Variants in HS6ST1 observed in about 807,000 individuals in gnomAD.
HS6ST1 encodes the protein heparan sulfate 6-O-sulfotransferase 1.
In HS6ST1, 3 loss-of-function variants were observed where a neutral mutation model predicts 25.2. The observed-to-expected ratio is 0.12, with a 90% CI of 0.05 to 0.31. HS6ST1 has a LOEUF of 0.31. Among genes scored for constraint, HS6ST1 ranks in the 10% least tolerant of loss-of-function variants. The pLI is 1.00. For synonymous variants in HS6ST1, 204 were observed against 275.1 expected (o/e 0.74, Z 2.56); for missense variants, 310 against 609.6 (o/e 0.51, Z 5.18).
chr2:128,315,703 T>C (rs1289834966), intron 1 of HS6ST1, among the ~76,000 whole-genome samples: 2 of 152,122 alleles, frequency 1.3e-5, no homozygotes, highest in Non-Finnish European at 2.9e-5. Context: ...CAGAGCAGCT[T>C]AGCCCAGCTC....
At position 128,316,860 on chromosome 2, in the gene HS6ST1, G is replaced by C. The variant is rs531861480; in HGVS notation, c.527+1177C>G. On this transcript the variant is annotated intron_variant, in intron 1 of 1. Transcript: ENST00000259241. ...GGAGCAGTGTCTCGGACTCTGCTCA[G>C]CTCCAGGCTGGCTGGACCTTCCAGG... Among the ~76,000 whole-genome samples, 4 of 152,272 alleles carry C rather than the reference G, an allele frequency of 2.6e-5. No homozygotes were observed. In the East Asian group the frequency reaches 5.8e-4, roughly 22 times the overall value.
At chr2:128,303,174 T>G (rs1694158359) in intron 1 of HS6ST1, among the ~76,000 whole-genome samples, 1 of 152,156 alleles carries the variant, frequency 6.6e-6, no homozygotes, top group African/African-American at 2.4e-5. Context: ...ACACCTCCAC[T>G]CTCGACGTTC....
intron 1 of HS6ST1, among the ~76,000 whole-genome samples, chr2:128,309,885 G>A (rs778178959): frequency 1.3e-5 from 2 of 152,212 alleles, no homozygotes; most frequent in African/African-American, 2.4e-5. Flanking sequence ...AAGGGGTTAT[G>A]AGTGGCCATG....
chr2:128,297,463 T>C (rs1694056960), intron 1 of HS6ST1, among the ~76,000 whole-genome samples: 1 of 152,144 alleles, frequency 6.6e-6, no homozygotes, highest in Non-Finnish European at 1.5e-5. Flanking sequence ...GATTTGGCAA[T>C]GATCTCTTGA....
intron 1 of HS6ST1, among the ~76,000 whole-genome samples, chr2:128,270,332 G>T (rs1220029358): frequency 1.3e-5 from 2 of 152,162 alleles, no homozygotes; most frequent in African/African-American, 4.8e-5. Flanking sequence ...ATAAGCTGTG[G>T]GCAGCAGGGG....
chr2:128,306,702 TG>T (rs1198004154), intron 1 of HS6ST1, among the ~76,000 whole-genome samples: 1 of 150,640 alleles, frequency 6.6e-6, no homozygotes, highest in Non-Finnish European at 1.5e-5. Flanking sequence ...TGGGGTCACA[TG>T]GGGTGGGGGC....
chr2:128,317,704 G>A (rs1233855490), intron 1 of HS6ST1, among the ~76,000 whole-genome samples: 1 of 152,260 alleles, frequency 6.6e-6, no homozygotes, highest in Non-Finnish European at 1.5e-5. Flanking sequence ...CGGCGGGCCA[G>A]ACCTCACGGC....
intron 1 of HS6ST1, among the ~76,000 whole-genome samples, chr2:128,294,014 G>A (rs1360791199): frequency 2.6e-5 from 4 of 152,180 alleles, no homozygotes; most frequent in Non-Finnish European, 5.9e-5. Context: ...TGTGGGTCCC[G>A]AAGCCAGTAG....
intron 1 of HS6ST1, among the ~76,000 whole-genome samples, chr2:128,313,930 T>A (rs1206664236): frequency 1.0e-4 from 15 of 149,516 alleles, no homozygotes; most frequent in Admixed American, 8.6e-4. Context: ...TGCCTTATCA[T>A]GTGTTTGCTT....
chr2:128,313,425 G>T (rs1694319476), intron 1 of HS6ST1, among the ~76,000 whole-genome samples: 1 of 152,148 alleles, frequency 6.6e-6, no homozygotes, highest in Non-Finnish European at 1.5e-5. Flanking sequence ...CAACATTTAT[G>T]GTGAAATTTA....
chr2:128,269,053 C>T (rs528494104), intron 1 of HS6ST1, among the ~76,000 whole-genome samples, 183 bp from the exon 2 acceptor site: 3 of 152,346 alleles, frequency 2.0e-5, no homozygotes, highest in East Asian at 1.9e-4. Flanking sequence ...GAGCATGCCA[C>T]GGTCACATGG....
At chr2:128,316,955 C>T (rs1694373691) in intron 1 of HS6ST1, among the ~76,000 whole-genome samples, 1 of 152,178 alleles carries the variant, frequency 6.6e-6, no homozygotes, top group African/African-American at 2.4e-5. Context: ...CTACAACCGC[C>T]CAGCCTCCTA....
chr2:128,271,436 A>G (rs1363058143), intron 1 of HS6ST1, among the ~76,000 whole-genome samples: 2 of 152,124 alleles, frequency 1.3e-5, no homozygotes, highest in Admixed American at 1.3e-4. Context: ...GGTCCGGGTC[A>G]CCTGCCTGGC....
intron 1 of HS6ST1, among the ~76,000 whole-genome samples, chr2:128,279,688 G>A (rs999199185): frequency 6.6e-6 from 1 of 152,146 alleles, no homozygotes; most frequent in Non-Finnish European, 1.5e-5. Flanking sequence ...CTACCTGGAG[G>A]CTGAGGTGGG....
intron 1 of HS6ST1, among the ~76,000 whole-genome samples, chr2:128,306,525 A>G (rs1338335119): frequency 2.0e-5 from 3 of 152,346 alleles, no homozygotes; most frequent in African/African-American, 7.2e-5. Context: ...TAAAGCTCAT[A>G]ACTCAGAGGG....
intron 1 of HS6ST1, among the ~76,000 whole-genome samples, chr2:128,270,585 G>C (rs934540880): frequency 6.6e-6 from 1 of 152,204 alleles, no homozygotes; most frequent in Non-Finnish European, 1.5e-5. Flanking sequence ...GGCCCGAGGC[G>C]GCCGGGGCAG....
At chr2:128,290,937 G>C (rs764474911) in intron 1 of HS6ST1, among the ~76,000 whole-genome samples, 5 of 151,682 alleles carry the variant, frequency 3.3e-5, no homozygotes, top group Non-Finnish European at 5.9e-5. Context: ...AGCGGAGATC[G>C]TGTCATAGCA....
intron 1 of HS6ST1, among the ~76,000 whole-genome samples, chr2:128,311,062 C>T (rs1016239265): frequency 5.9e-5 from 9 of 152,164 alleles, no homozygotes; most frequent in African/African-American, 1.9e-4. Context: ...CCTCAGGGCA[C>T]TGCAGCCCAC....
intron 1 of HS6ST1, among the ~76,000 whole-genome samples, chr2:128,299,962 A>T (rs1330130639): frequency 6.6e-6 from 1 of 152,174 alleles, no homozygotes; most frequent in Non-Finnish European, 1.5e-5. Flanking sequence ...CCCCACCTCC[A>T]GGCCGGGGTC....
Sources: gnomAD v4.1 joint callset for allele counts (sites outside exome capture counted in the v4.1 genomes callset) on GRCh38, gnomAD v4.1.1 for gene constraint, MANE v1.5 for transcripts, NCBI Gene and HGNC (gene_info 2026-07-23, HGNC 2026-07-21) for gene names.